Variants in SCN10A observed in about 807,000 individuals in gnomAD.
SCN10A encodes the protein sodium voltage-gated channel alpha subunit 10, also known as sodium channel protein type 10 subunit alpha.
In SCN10A, 162 loss-of-function variants were observed where a neutral mutation model predicts 170.7. The observed-to-expected ratio is 0.95, with a 90% CI of 0.84 to 1.08. The LOEUF (loss-of-function observed/expected upper bound fraction) is 1.08, where lower values mean the gene tolerates loss of function less well. Ranked by LOEUF, SCN10A falls within the 50% of genes least tolerant of loss-of-function variation. The pLI is 0.00. For synonymous variants in SCN10A, 985 were observed against 904.6 expected (o/e 1.09, Z -1.59); for missense variants, 2,527 against 2,436.9 (o/e 1.04, Z -0.78).
chr3:38,759,870 G>C (rs1298357468), intron 8 of SCN10A, among the ~76,000 whole-genome samples: 2 of 152,162 alleles, frequency 1.3e-5, no homozygotes, highest in African/African-American at 4.8e-5. Context: ...CCACTCATTT[G>C]TTGTTATGAA....
chr3:38,727,634 T>A (rs868185848), intron 16 of SCN10A, among the ~76,000 whole-genome samples: 49 of 152,122 alleles, frequency 3.2e-4, no homozygotes, highest in African/African-American at 1.2e-3. Context: ...TGGAAAAGAC[T>A]AAAGAGTCTG....
In SCN10A at chr3:38,789,015, C is replaced by T. The variant is rs139793167; in HGVS notation, c.411G>A (p.Thr137=). Residue 137 remains threonine, a synonymous_variant, in exon 4 of 28, where the codon ACG becomes ACA. Coordinates refer to ENST00000449082, the MANE Select transcript of SCN10A (RefSeq NM_006514.4). ...SVHSWFSLFI[T]VTILVNCVCM... ...ACACACAATTAACCAAAATAGTGACCGTAATAAATAAACTGAACCACCTGA... is the reference window on the plus strand; with the variant it reads ...ACACACAATTAACCAAAATAGTGACTGTAATAAATAAACTGAACCACCTGA... 125 of 1,611,256 alleles carry T rather than the reference C, an allele frequency of 7.8e-5. No homozygotes were observed. Among genetic ancestry groups the T allele is most frequent in the Admixed American group, 1.5e-4 (9 of 59,888 alleles).
chr3:38,741,225 T>C (rs2063627874), intron 14 of SCN10A, among the ~76,000 whole-genome samples: 1 of 152,112 alleles, frequency 6.6e-6, no homozygotes, highest in Non-Finnish European at 1.5e-5. Context: ...TGGACCCTGC[T>C]GCGGACATGA....
At chr3:38,804,833 TG>T (rs953873333) in intron 1 of SCN10A, among the ~76,000 whole-genome samples, 2 of 151,936 alleles carry the variant, frequency 1.3e-5, no homozygotes, top group African/African-American at 2.4e-5. Context: ...AGGAGGGTTG[TG>T]GGGGCGGAAT....
rs755100226 is a variant in SCN10A, at chr3:38,752,488, T to C, written c.1486A>G (p.Lys496Glu). 17 of 1,598,764 alleles carry C rather than the reference T, an allele frequency of 1.1e-5. No individual in the cohort carries two copies. The highest frequency in any genetic ancestry group is 1.0e-4 in the Admixed American group (6 of 58,462). Residue 496 changes from lysine to glutamate, a missense_variant, in exon 12 of 28, where the codon AAA (lysine) becomes GAA (glutamate). Lys to Glu is a moderately conservative substitution (Grantham distance 56). Coordinates refer to ENST00000449082, the MANE Select transcript of SCN10A (RefSeq NM_006514.4). ...ACACTGCCATGACTAGCCCGGCGTT[T>C]TCCAGAGGCGAGGCCTAGAAAAGAC... ...RMSFLGLASG[K>E]RRASHGSVFH... is the part of the protein sequence containing the mutation.
Position 38,698,345 on chromosome 3 carries a change from A to G in SCN10A, c.4875T>C (p.Gly1625=). Residue 1625 remains glycine (G), a synonymous_variant, in exon 28 of 28, where the codon GGT becomes GGC. Coordinates refer to ENST00000449082, the MANE Select transcript of SCN10A (RefSeq NM_006514.4). The stretch of plus-strand genomic sequence containing the variant: ...ACCTCACATGGGGAAAGCTGGACAT[A>G]CCGAAGATAGAGTAGATGAACATGA... The part of the protein sequence containing the change: ...FLVMFIYSIF[G]MSSFPHVRWE... 3 of 1,613,982 alleles carry G rather than the reference A, an allele frequency of 1.9e-6. No homozygotes were observed. The highest frequency in any genetic ancestry group is 2.5e-6 in the Non-Finnish European group (3 of 1,179,860).
At chr3:38,731,071 T>G (rs1285785422) in intron 15 of SCN10A, among the ~76,000 whole-genome samples, 1 of 152,148 alleles carries the variant, frequency 6.6e-6, no homozygotes, top group Admixed American at 6.5e-5. Context: ...CATATTACAG[T>G]GAAACTGCAG....
rs370916238 is a variant in SCN10A at position 38,766,777 on chromosome 3, C to T, written c.600-3181G>A. 2.0e-5 allele frequency among the ~76,000 whole-genome samples: 3 copies of T among 151,980 alleles called. No individual in the cohort carries two copies. In the East Asian group the frequency reaches 5.8e-4, roughly 29 times the overall value. On this transcript the variant is annotated intron_variant, in intron 5 of 27. Coordinates refer to ENST00000449082, the MANE Select transcript of SCN10A (RefSeq NM_006514.4). ...TTAGGAGGATTCCCTCTTTCTGCATCTTTTGGAATAGTTTCAATAAAATTG... is the reference window on the plus strand; with the variant it reads ...TTAGGAGGATTCCCTCTTTCTGCATTTTTTGGAATAGTTTCAATAAAATTG...
rs773898368 is a variant in SCN10A, at chr3:38,757,166, C to G, written c.951-7G>C. ...ATAACCATCAGGGCAGTGGCTGCAG[C>G]AAGAACAGAGAAGGTCATCCCCTGC... On this transcript the variant is annotated splice_region_variant and splice_polypyrimidine_tract_variant and intron_variant, in intron 8 of 27. Transcript: ENST00000449082. 8.2e-6 allele frequency: 13 copies of G among 1,590,002 alleles called. No individual in the cohort carries two copies. The Admixed American group carries it at 1.8e-4, about 22-fold the overall frequency.
chr3:38,788,232 A>AG (rs1230131346), intron 4 of SCN10A, among the ~76,000 whole-genome samples: 1 of 149,804 alleles, frequency 6.7e-6, no homozygotes. Flanking sequence ...AAAAAAAAAA[A>AG]AAAAAAAGAA....
intron 4 of SCN10A, among the ~76,000 whole-genome samples, chr3:38,785,975 A>G (rs2064195883): frequency 6.6e-6 from 1 of 152,150 alleles, no homozygotes; most frequent in Non-Finnish European, 1.5e-5. Flanking sequence ...AAGTCAGGAA[A>G]CAACAGATGC....
At chr3:38,745,778 G>T (rs905116462) in intron 13 of SCN10A, among the ~76,000 whole-genome samples, 19 of 151,754 alleles carry the variant, frequency 1.3e-4, no homozygotes, top group African/African-American at 4.4e-4. Flanking sequence ...TGCCTCTGTT[G>T]GCCTTTCTAT....
In SCN10A at chr3:38,792,193, G is replaced by C. The variant is rs1483355755; in HGVS notation, c.271-25C>G. ...TCTGAAACAAAACAAAACAGAAAGT[G>C]GACCTCCAATGAGAAACAAGATTCC... On this transcript the variant is annotated intron_variant, in intron 2 of 27. Transcript: ENST00000449082. The C allele has an allele frequency of 1.9e-6, 3 of 1,610,820 alleles. No individual in the cohort carries two copies. The Admixed American group carries it at 5.0e-5, about 27-fold the overall frequency.
intron 3 of SCN10A, 109 bp downstream of exon 3, chr3:38,791,941 T>A: frequency 7.1e-7 from 1 of 1,402,548 alleles, no homozygotes; most frequent in Non-Finnish European, 9.7e-7. Context: ...ATTGTACTTT[T>A]GGGATTCAAT....
intron 1 of SCN10A, among the ~76,000 whole-genome samples, chr3:38,795,292 A>G (rs2064332217): frequency 6.6e-6 from 1 of 151,822 alleles, no homozygotes; most frequent in East Asian, 1.9e-4. Context: ...CTTGTGGCTA[A>G]AGTCAGGGGG....
intron 4 of SCN10A, among the ~76,000 whole-genome samples, chr3:38,782,462 T>A (rs987784324): frequency 1.3e-5 from 2 of 152,068 alleles, no homozygotes; most frequent in African/African-American, 4.8e-5. Flanking sequence ...TGTTTTCCAT[T>A]CTCTTTCTCT....
rs1172328741 is a variant in SCN10A, at chr3:38,712,051, T to C, written c.4089+110A>G. The C allele has an allele frequency of 4.8e-6, 5 of 1,046,526 alleles. No individual in the cohort carries two copies. The East Asian group carries it at 1.2e-4, about 25-fold the overall frequency. The allele number at this position is 1,046,526 out of a possible 1,614,324, so 64.8% of individuals were successfully genotyped here. ...AATAGAGAATGACCTCAGTTCACAC[T>C]GAGTGCTACTCCTTGCAAAGTCCCC... On this transcript the variant is annotated intron_variant, in intron 23 of 27. Transcript: ENST00000449082.
At chr3:38,774,921 ACC>A (rs1245435303) in intron 4 of SCN10A, among the ~76,000 whole-genome samples, 1 of 151,758 alleles carries the variant, frequency 6.6e-6, no homozygotes, top group East Asian at 1.9e-4. Context: ...CATATTACAG[ACC>A]CCCAGCTGCG....
intron 13 of SCN10A, among the ~76,000 whole-genome samples, chr3:38,748,359 T>A (rs2063713972): frequency 6.6e-6 from 1 of 152,160 alleles, no homozygotes; most frequent in Admixed American, 6.5e-5. Context: ...TGTTGAGAAA[T>A]GAGTACACAT....
Sources: gnomAD v4.1 joint callset for allele counts (sites outside exome capture counted in the v4.1 genomes callset) on GRCh38, gnomAD v4.1.1 for gene constraint, MANE v1.5 for transcripts, NCBI Gene and HGNC (gene_info 2026-07-23, HGNC 2026-07-21) for gene names.